Variants in CLPTM1 observed in about 807,000 individuals in gnomAD.
CLPTM1 encodes the protein putative lipid scramblase CLPTM1.
A neutral mutation model predicts 77.3 loss-of-function variants in CLPTM1; 21 were observed. The ratio of observed to expected loss-of-function variants is 0.27; its 90% CI spans 0.19 to 0.39. The LOEUF (loss-of-function observed/expected upper bound fraction) is 0.39, where lower values mean the gene tolerates loss of function less well. Among genes scored for constraint, CLPTM1 ranks in the 10% least tolerant of loss-of-function variants. The pLI, the probability that CLPTM1 is intolerant of heterozygous loss-of-function variation, is 1.00. For missense variants in CLPTM1, 642 were observed against 921.2 expected (o/e 0.70, Z 3.92); for synonymous variants, 373 against 381.0 (o/e 0.98, Z 0.24).
Position 44,990,614 on chromosome 19 carries a change from G to T in CLPTM1, c.1323+29G>T. On this transcript the variant is annotated intron_variant, in intron 10 of 13. Coordinates refer to ENST00000337392, the MANE Select transcript of CLPTM1 (RefSeq NM_001294.4). This position sits in a 1 kb window ranked among gnomAD's most constrained non-coding sequence, Gnocchi z 4.8. Reference sequence around the variant, plus strand: ...AGGCTGGGGCGCCATGCTGTCTCGGGAGCTGCAGGGGTTGGGAGGGGGTAG... The same window carrying T: ...AGGCTGGGGCGCCATGCTGTCTCGGTAGCTGCAGGGGTTGGGAGGGGGTAG... 1 of 1,608,460 alleles carries T rather than the reference G, an allele frequency of 6.2e-7. No individual in the cohort carries two copies. Among genetic ancestry groups the T allele is most frequent in the South Asian group, 1.1e-5 (1 of 90,872 alleles).
At chr19:44,959,192 C>G (rs1970506999) in intron 1 of CLPTM1, among the ~76,000 whole-genome samples, 1 of 151,424 alleles carries the variant, frequency 6.6e-6, no homozygotes, top group African/African-American at 2.4e-5. Context: ...CATTCATGTA[C>G]AGGCTTTTCT....
chr19:44,990,742 C>T lies in CLPTM1; in HGVS notation c.1324-108C>T, dbSNP rs1971059370. On this transcript the variant is annotated intron_variant, in intron 10 of 13. Transcript: ENST00000337392. This position sits in a 1 kb window ranked among gnomAD's most constrained non-coding sequence, Gnocchi z 4.8. ...TCTCACCAGGGGATTTTTTGGGTCA[C>T]ACATGGGGCAGGGGAACTGGGAACG... 5 of 1,308,798 alleles carry T rather than the reference C, an allele frequency of 3.8e-6. No homozygotes were observed. Among genetic ancestry groups the T allele is most frequent in the East Asian group, 4.8e-5 (2 of 41,340 alleles). 81.1% of individuals were successfully genotyped at this position (1,308,798 alleles called of 1,614,324 possible).
chr19:44,955,169 A>C (rs964367844), upstream of CLPTM1: 1 of 1,535,636 alleles, frequency 6.5e-7, no homozygotes, highest in Non-Finnish European at 8.7e-7. Context: ...CGGAGCATAC[A>C]GTGTTTTTAT....
In CLPTM1 at chr19:44,988,278, G is replaced by A. The variant is rs1176401687; in HGVS notation, c.1132+105G>A. ...CCCCACATGTCCTCCCCCTGCCTGG[G>A]GTCTCTCAGCCCCACTCTCCAGAGG... is the stretch of plus-strand genomic sequence containing the variant. On this transcript the variant is annotated intron_variant, in intron 9 of 13. Transcript: ENST00000337392. 4.7e-6 allele frequency: 4 copies of A among 854,806 alleles called. No individual in the cohort carries two copies. The Admixed American group carries it at 7.4e-5, about 16-fold the overall frequency. The allele number at this position is 854,806 out of a possible 1,614,324, so 53.0% of individuals were successfully genotyped here. A position where few individuals can be genotyped will look rare whatever the true frequency, so the allele number is the denominator to read the frequency against.
At chr19:44,973,856 C>T (rs1568384955) in intron 3 of CLPTM1, among the ~76,000 whole-genome samples, 2 of 149,042 alleles carry the variant, frequency 1.3e-5, no homozygotes, top group South Asian at 2.1e-4. Flanking sequence ...CTCTGCCTCC[C>T]GGGCTCCAGT....
Position 44,988,181 on chromosome 19 carries a change from C to T in CLPTM1, c.1132+8C>T, listed in dbSNP as rs1431482940. ...TCCTGGCCTTCAAGAATGGTAGGAA[C>T]AGGACCCCAGGGCTAGTGAGAGGCT... On this transcript the variant is annotated splice_region_variant and intron_variant, in intron 9 of 13. Transcript: ENST00000337392. 1 of 1,596,092 alleles carries T rather than the reference C, an allele frequency of 6.3e-7. No individual in the cohort carries two copies. Among genetic ancestry groups the T allele is most frequent in the Non-Finnish European group, 8.6e-7 (1 of 1,163,494 alleles).
intron 1 of CLPTM1, among the ~76,000 whole-genome samples, chr19:44,957,434 G>A (rs113707113): frequency 6.6e-6 from 1 of 152,242 alleles, no homozygotes; most frequent in African/African-American, 2.4e-5. Flanking sequence ...CAGGCACAGA[G>A]GAGGTGCTCA....
intron 2 of CLPTM1, among the ~76,000 whole-genome samples, chr19:44,965,265 C>T (rs543588968): frequency 6.6e-5 from 10 of 152,050 alleles, no homozygotes; most frequent in South Asian, 4.2e-4. Flanking sequence ...TTTGGGAGAC[C>T]GAGGCAGGCA....
intron 5 of CLPTM1, among the ~76,000 whole-genome samples, 191 bp from the exon 6 acceptor site, chr19:44,985,027 A>T (rs1402375813): frequency 6.6e-6 from 1 of 152,120 alleles, no homozygotes; most frequent in Non-Finnish European, 1.5e-5. Context: ...CCCCATGATC[A>T]TGAGGAACTG....
intron 5 of CLPTM1, among the ~76,000 whole-genome samples, chr19:44,980,217 GC>G (rs1384075311): frequency 6.6e-6 from 1 of 152,050 alleles, no homozygotes; most frequent in African/African-American, 2.4e-5. Flanking sequence ...GTTCAGAAAA[GC>G]CCCCTTTTGG....
At chr19:44,954,833 A>C (rs758785769), upstream of CLPTM1, 392 of 1,195,724 alleles carry the variant, frequency 3.3e-4, no homozygotes, top group Non-Finnish European at 4.1e-4. Context: ...AAACACAGAA[A>C]GGATATGAGC....
Position 44,988,190 on chromosome 19 carries a change from AG to A in CLPTM1, c.1132+20del. On this transcript the variant is annotated intron_variant, in intron 9 of 13. Transcript: ENST00000337392. ...TCAAGAATGGTAGGAACAGGACCCC[AG>A]GGCTAGTGAGAGGCTGTGCAGGGTG... 1 of 1,573,144 alleles carries A rather than the reference AG, an allele frequency of 6.4e-7. No individual in the cohort carries two copies. The highest frequency in any genetic ancestry group is 8.8e-7 in the Non-Finnish European group (1 of 1,142,676).
chr19:44,982,594 G>A (rs1158214925), intron 5 of CLPTM1, among the ~76,000 whole-genome samples: 4 of 152,202 alleles, frequency 2.6e-5, no homozygotes, highest in African/African-American at 7.2e-5. Flanking sequence ...TCTCCCCTGT[G>A]CCTCCCCCTC....
chr19:44,985,637 C>A (rs1970965537), intron 6 of CLPTM1, among the ~76,000 whole-genome samples: 1 of 152,194 alleles, frequency 6.6e-6, no homozygotes, highest in Non-Finnish European at 1.5e-5. Flanking sequence ...ACAGCCAGGC[C>A]CCAGAGCCCA....
upstream of CLPTM1, chr19:44,955,114 C>T (rs1464846590): frequency 6.5e-7 from 1 of 1,535,676 alleles, no homozygotes; most frequent in South Asian, 1.2e-5. Flanking sequence ...ACGGAAGGGA[C>T]AGAACTTGCG....
chr19:44,974,947 T>A (rs1970782799), intron 4 of CLPTM1, among the ~76,000 whole-genome samples: 2 of 152,214 alleles, frequency 1.3e-5, no homozygotes, highest in African/African-American at 4.8e-5. Flanking sequence ...TATTAGTTAA[T>A]GTTGATTGAG....
At chr19:44,976,223 C>T (rs772113683) in intron 4 of CLPTM1, among the ~76,000 whole-genome samples, 9 of 152,126 alleles carry the variant, frequency 5.9e-5, no homozygotes, top group Non-Finnish European at 1.3e-4. Flanking sequence ...GGCCTTGCCA[C>T]GAGATCCAAG....
chr19:44,970,230 C>T (rs182215700), intron 2 of CLPTM1, among the ~76,000 whole-genome samples: 2 of 147,078 alleles, frequency 1.4e-5, no homozygotes, highest in Admixed American at 6.7e-5. Flanking sequence ...CCTTATCCCA[C>T]GAGTGGCCTT....
chr19:44,988,005 G>A (rs1971008776), intron 8 of CLPTM1, 75 bp from the exon 9 acceptor site: 1 of 1,166,200 alleles, frequency 8.6e-7, no homozygotes, highest in Non-Finnish European at 1.3e-6. Context: ...CGGCCCCAGG[G>A]GCAGCCCTCG....
Sources: allele counts gnomAD v4.1 joint callset (sites outside exome capture counted in the v4.1 genomes callset), GRCh38; gene constraint gnomAD v4.1.1; non-coding constraint Gnocchi (gnomAD v3.1); transcripts MANE v1.5; gene names NCBI Gene and HGNC (gene_info 2026-07-23, HGNC 2026-07-21).